The following BTBD2 variants were observed in gnomAD, a reference collection of about 807,000 sequenced individuals.
BTBD2 encodes BTB domain containing 2, also known as BTB/POZ domain-containing protein 2.
BTBD2 carries 15 observed loss-of-function variants against 44.0 expected under a neutral mutation model. That is an observed-to-expected ratio of 0.34 (90% CI 0.23 to 0.53). The LOEUF (loss-of-function observed/expected upper bound fraction) is 0.53, where lower values mean the gene tolerates loss of function less well. BTBD2 is among the 20% of genes least tolerant of loss of function. The pLI, the probability that BTBD2 is intolerant of heterozygous loss-of-function variation, is 0.95. For synonymous variants in BTBD2, 443 were observed against 335.9 expected, an observed-to-expected ratio of 1.32 and a Z score of -3.49; for missense variants, 657 against 746.4, an observed-to-expected ratio of 0.88 and a Z score of 1.39.
rs750390844 is a variant in BTBD2, at chr19:2,015,312, C to T, written c.392G>A (p.Arg131His). 2 of 1,565,552 alleles carry T rather than the reference C, an allele frequency of 1.3e-6. No homozygotes were observed. Among genetic ancestry groups the T allele is most frequent in the Non-Finnish European group, 1.7e-6 (2 of 1,163,104 alleles). Residue 131 changes from arginine (R) to histidine (H), a missense_variant, in exon 1 of 9, where the codon CGC (arginine) becomes CAC (histidine). By Grantham distance (29) the Arg-to-His change is conservative (BLOSUM62 0). This residue lies in a region of BTBD2 where 191 missense variants were observed against 188.5 expected (regional missense o/e 1.01). Transcript: ENST00000255608. ...GGGCGCCCACCTGTGCGCGGGGATGCGCTGCGAGCTGAGCCCCTTGCCCAC... is the reference window on the plus strand; with the variant it reads ...GGGCGCCCACCTGTGCGCGGGGATGTGCTGCGAGCTGAGCCCCTTGCCCAC... ...FLVGKGLSSQRIPAHRFVLAV... is the reference protein window; with the variant it reads ...FLVGKGLSSQHIPAHRFVLAV...
chr19:1,986,791 G>C (rs764472351), intron 8 of BTBD2, 39 bp downstream of exon 8: 1 of 1,578,338 alleles, frequency 6.3e-7, no homozygotes, highest in Admixed American at 1.7e-5. Flanking sequence ...GGATGGGCCA[G>C]AGACTCCCAC....
intron 1 of BTBD2, among the ~76,000 whole-genome samples, chr19:2,010,424 G>C (rs1011810417): frequency 7.2e-5 from 11 of 152,058 alleles, no homozygotes; most frequent in Non-Finnish European, 1.6e-4. Flanking sequence ...CACAAACGCC[G>C]ACCCCTGCGC....
At chr19:1,989,563 A>G (rs916804740) in intron 5 of BTBD2, 4 of 247,342 alleles carry the variant, frequency 1.6e-5, no homozygotes, top group Non-Finnish European at 3.2e-5. Context: ...GGCAGGAGGC[A>G]TCGTTAGCGC....
Position 2,015,539 on chromosome 19 carries a change from A to C in BTBD2, c.165T>G (p.Pro55=). 5 of 909,358 alleles carry C rather than the reference A, an allele frequency of 5.5e-6. No individual in the cohort carries two copies. The highest frequency in any genetic ancestry group is 5.0e-6 in the Non-Finnish European group (4 of 800,430). 56.3% of individuals were successfully genotyped at this position (909,358 alleles called of 1,614,324 possible). A position where few individuals can be genotyped will look rare whatever the true frequency, so the allele number is the denominator to read the frequency against. ...AAAAAAAAAA[P]GPTPPAPPGP... ...CCGGCGGGGCGGGCGGCGTCGGCCC[A>C]GGGGCGGCGGCGGCGGCGGCGGCGG... is the stretch of plus-strand genomic sequence containing the variant. Residue 55 remains proline, a synonymous_variant, in exon 1 of 9, where the codon CCT becomes CCG. Transcript: ENST00000255608.
At chr19:2,012,766 C>G (rs2016483321) in intron 1 of BTBD2, among the ~76,000 whole-genome samples, 2 of 152,212 alleles carry the variant, frequency 1.3e-5, no homozygotes, top group Admixed American at 1.3e-4. Flanking sequence ...GGGTCCTTGT[C>G]CTGCCTCCAT....
chr19:1,986,813 T>G lies in BTBD2; in HGVS notation c.1416+17A>C. On this transcript the variant is annotated intron_variant, in intron 8 of 8. Coordinates refer to ENST00000255608, the MANE Select transcript of BTBD2 (RefSeq NM_017797.4). ...CCAGAGACTCCCACGGAGGGACCCC[T>G]GTCCCCGGCGGCGCACCTTGAGCGT... 3.8e-6 allele frequency: 6 copies of G among 1,594,890 alleles called. No individual in the cohort carries two copies. The highest frequency in any genetic ancestry group is 4.3e-6 in the Non-Finnish European group (5 of 1,170,142).
rs1343472382 is a variant in BTBD2, at chr19:1,987,199, G to A, written c.1236C>T (p.Ile412=). 5.0e-6 allele frequency: 8 copies of A among 1,613,646 alleles called. No individual in the cohort carries two copies. The highest frequency in any genetic ancestry group is 1.3e-5 in the African/African-American group (1 of 74,836). ...FVVGFGLYGS[I]HGPTDYQVNI... ...TCACTTGGTAGTCGGTGGGCCCGTG[G>A]ATGGATCCATACAGCCCAAATCCCA... Residue 412 remains isoleucine, a synonymous_variant, in exon 7 of 9, where the codon ATC becomes ATT. Coordinates refer to ENST00000255608, the MANE Select transcript of BTBD2 (RefSeq NM_017797.4).
chr19:2,006,322 A>G (rs1363814861), intron 1 of BTBD2, among the ~76,000 whole-genome samples: 1 of 152,094 alleles, frequency 6.6e-6, no homozygotes, highest in Admixed American at 6.6e-5. Flanking sequence ...GCACAAGACC[A>G]CAGAAAAACT....
chr19:2,010,910 T>A (rs1399238666), intron 1 of BTBD2, among the ~76,000 whole-genome samples: 2 of 152,190 alleles, frequency 1.3e-5, no homozygotes, highest in African/African-American at 4.8e-5. Context: ...AGTGCTGGGA[T>A]GATAGGCGTG....
chr19:2,013,448 C>T (rs907762257), intron 1 of BTBD2: 2 of 948,802 alleles, frequency 2.1e-6, no homozygotes, highest in Non-Finnish European at 2.5e-6. Context: ...GTTGGAAGGG[C>T]CCGGAGATGG....
In BTBD2 at chr19:1,987,683, T is replaced by G; in HGVS notation, c.998A>C (p.Gln333Pro). The change falls in exon 6 of 9, where the codon CAG becomes CCG. Residue 333 changes from glutamine (Q) to proline (P), a missense_variant. Gln to Pro is a moderately conservative substitution (Grantham distance 76, BLOSUM62 -1). This residue lies in a region of BTBD2 where 449 missense variants were observed against 510.9 expected (regional missense o/e 0.88). Transcript: ENST00000255608. ...CTCGCGGTCCACCAGGATGCCCGAC[T>G]GTGCGGGACCTGCAGCACAGGGAGG... ...TIEEFAAGPA[Q>P]SGILVDREVV... 5.0e-6 allele frequency: 8 copies of G among 1,600,518 alleles called. No homozygotes were observed. The highest frequency in any genetic ancestry group is 5.1e-6 in the Non-Finnish European group (6 of 1,172,660).
chr19:2,006,932 G>A lies in BTBD2; in HGVS notation c.407+8365C>T, dbSNP rs542534110. Among the ~76,000 whole-genome samples, 600 of 151,902 alleles carry A rather than the reference G, an allele frequency of 3.9e-3. 4 individuals carry two copies. Among genetic ancestry groups the A allele is most frequent in the African/African-American group, 0.014 (563 of 41,426 alleles). On this transcript the variant is annotated intron_variant, in intron 1 of 8. Transcript: ENST00000255608. ...GAGTGCAGTGACGCGATCTCGGCTC[G>A]CTGCAACCTCTGCTGCCCAGGTTCA...
At chr19:2,013,299 G>C (rs776062337) in intron 1 of BTBD2, among the ~76,000 whole-genome samples, 2 of 152,188 alleles carry the variant, frequency 1.3e-5, no homozygotes, top group East Asian at 1.9e-4. Flanking sequence ...AAGAGGGACC[G>C]GGGAGTGGAG....
At chr19:1,997,832 GTTCA>G (rs1568218215) in intron 1 of BTBD2, among the ~76,000 whole-genome samples, 3 of 152,236 alleles carry the variant, frequency 2.0e-5, no homozygotes, top group South Asian at 2.1e-4. Context: ...TCACACATAC[GTTCA>G]TTCATGCATG....
At chr19:1,986,997 G>C (rs753349156) in intron 7 of BTBD2, 21 bp from the exon 8 acceptor site, 1 of 1,606,780 alleles carries the variant, frequency 6.2e-7, no homozygotes, top group African/African-American at 1.3e-5. Context: ...GTGGGAAGTG[G>C]GAGGCTCAGG....
intron 1 of BTBD2, among the ~76,000 whole-genome samples, chr19:1,999,483 T>C (rs963648106): frequency 2.0e-5 from 3 of 151,928 alleles, no homozygotes; most frequent in Non-Finnish European, 2.9e-5. Flanking sequence ...CTGGGCAACA[T>C]AGTGAGACCC....
chr19:2,010,993 C>T (rs894622299), intron 1 of BTBD2, among the ~76,000 whole-genome samples: 12 of 152,124 alleles, frequency 7.9e-5, no homozygotes, highest in Admixed American at 7.2e-4. Context: ...AGCAACCCAT[C>T]GGGTCCGTTT....
At chr19:2,004,182 CT>C (rs1375617898) in intron 1 of BTBD2, among the ~76,000 whole-genome samples, 1 of 151,996 alleles carries the variant, frequency 6.6e-6, no homozygotes, top group Non-Finnish European at 1.5e-5. Flanking sequence ...CTCATGTCCC[CT>C]AACATGTATA....
chr19:2,014,199 T>G (rs2016502943), intron 1 of BTBD2: 1 of 143,056 alleles, frequency 7.0e-6, no homozygotes, highest in Non-Finnish European at 1.5e-5. Flanking sequence ...GACGGAGGGG[T>G]CACCAGTAGG....
Sources: gnomAD v4.1 joint callset for allele counts (sites outside exome capture counted in the v4.1 genomes callset) on GRCh38, gnomAD v4.1.1 for gene constraint, gnomAD v4.1.1 regional missense constraint, MANE v1.5 for transcripts, NCBI Gene and HGNC (gene_info 2026-07-23, HGNC 2026-07-21) for gene names.